Variants in CDH12 observed in about 807,000 individuals in gnomAD.
CDH12 encodes cadherin 12, also known as cadherin-12.
CDH12 carries 41 observed loss-of-function variants against 74.1 expected under a neutral mutation model. The ratio of observed to expected loss-of-function variants is 0.55; its 90% CI spans 0.43 to 0.72. The LOEUF (loss-of-function observed/expected upper bound fraction) is 0.72. Among genes scored for constraint, CDH12 ranks in the 30% least tolerant of loss-of-function variants. The pLI, the probability that CDH12 is intolerant of heterozygous loss-of-function variation, is 0.00. For synonymous variants in CDH12, 399 were observed against 355.0 expected, an observed-to-expected ratio of 1.12 and a Z score of -1.39; for missense variants, 945 against 977.2, an observed-to-expected ratio of 0.97 and a Z score of 0.44.
At chr5:21,839,276 G>A (rs1402769941) in intron 8 of CDH12, among the ~76,000 whole-genome samples, 1 of 152,018 alleles carries the variant, frequency 6.6e-6, no homozygotes, top group Non-Finnish European at 1.5e-5. Context: ...ATAAGGAAAA[G>A]TATTGCTTTA....
intron 11 of CDH12, among the ~76,000 whole-genome samples, chr5:21,781,697 C>G (rs1745923348): frequency 1.3e-5 from 2 of 149,334 alleles, no homozygotes; most frequent in Non-Finnish European, 3.0e-5. Flanking sequence ...GCACTCCAGT[C>G]TAGGTGACAG....
At chr5:22,447,152 G>A (rs1400179479) in intron 2 of CDH12, among the ~76,000 whole-genome samples, 1 of 152,004 alleles carries the variant, frequency 6.6e-6, no homozygotes, top group African/African-American at 2.4e-5. Flanking sequence ...TTGTATAAGG[G>A]CTATAATTCC....
chr5:22,137,699 G>T (rs1746541900), intron 4 of CDH12, among the ~76,000 whole-genome samples: 1 of 151,982 alleles, frequency 6.6e-6, no homozygotes, highest in African/African-American at 2.4e-5. Flanking sequence ...GCCTATTCTT[G>T]TAACATTAAC....
intron 1 of CDH12, among the ~76,000 whole-genome samples, chr5:22,543,103 AC>A (rs1377993961): frequency 3.3e-5 from 5 of 152,166 alleles, no homozygotes; most frequent in Non-Finnish European, 5.9e-5. Context: ...TTACTGCAAG[AC>A]TTAAAGCAAA....
At chr5:22,443,495 T>G (rs1488471796) in intron 2 of CDH12, among the ~76,000 whole-genome samples, 1 of 152,132 alleles carries the variant, frequency 6.6e-6, no homozygotes, top group Non-Finnish European at 1.5e-5. Flanking sequence ...ATATTGGCAA[T>G]GTAAGATTTT....
chr5:22,166,991 C>G (rs982008441), intron 4 of CDH12, among the ~76,000 whole-genome samples: 2 of 152,056 alleles, frequency 1.3e-5, no homozygotes, highest in Non-Finnish European at 2.9e-5. Context: ...TCTTCAATTC[C>G]TATGTTTTAT....
chr5:22,333,929 C>G (rs1439903499), intron 3 of CDH12, among the ~76,000 whole-genome samples: 4 of 152,110 alleles, frequency 2.6e-5, no homozygotes, highest in Admixed American at 2.6e-4. Context: ...AGTTCAACAT[C>G]CTGTAATGAC....
intron 2 of CDH12, among the ~76,000 whole-genome samples, chr5:22,449,895 T>C (rs1490014869): frequency 6.6e-6 from 1 of 152,118 alleles, no homozygotes; most frequent in African/African-American, 2.4e-5. Flanking sequence ...ATATGGACAA[T>C]GTTGCAGTAT....
intron 6 of CDH12, among the ~76,000 whole-genome samples, chr5:21,895,678 C>T (rs867469419): frequency 6.6e-6 from 1 of 152,192 alleles, no homozygotes; most frequent in South Asian, 2.1e-4. Flanking sequence ...CCCAGAGGAG[C>T]CACTGCCCCC....
chr5:22,676,637 A>T (rs140904247), intron 1 of CDH12, among the ~76,000 whole-genome samples: 31 of 152,354 alleles, frequency 2.0e-4, no homozygotes, highest in Middle Eastern at 3.4e-3. Flanking sequence ...AGTACTAAAA[A>T]TATAGAGAAG....
At chr5:22,180,567 C>T (rs748960123) in intron 4 of CDH12, among the ~76,000 whole-genome samples, 57 of 151,712 alleles carry the variant, frequency 3.8e-4, no homozygotes, top group Non-Finnish European at 6.2e-4. Flanking sequence ...AGCTGGAGTG[C>T]AGTGGGGCGA....
intron 1 of CDH12, among the ~76,000 whole-genome samples, chr5:22,698,462 T>A (rs1382890405): frequency 6.6e-6 from 1 of 151,372 alleles, no homozygotes; most frequent in Admixed American, 6.6e-5. Context: ...TCTACTGATT[T>A]ATAGAATCCC....
intron 10 of CDH12, among the ~76,000 whole-genome samples, chr5:21,794,059 G>A (rs1306764924): frequency 6.6e-6 from 1 of 151,414 alleles, no homozygotes; most frequent in Non-Finnish European, 1.5e-5. Context: ...ATAAAATATA[G>A]CATGTATATG....
intron 11 of CDH12, among the ~76,000 whole-genome samples, chr5:21,773,685 A>G (rs1356978887): frequency 2.0e-5 from 3 of 152,102 alleles, no homozygotes; most frequent in Non-Finnish European, 4.4e-5. Flanking sequence ...CTGTGAATCA[A>G]TTATCTTAAT....
intron 4 of CDH12, among the ~76,000 whole-genome samples, chr5:22,150,640 GAGATTGCTCCTAGATCTGGGGTGGCCAAA>G (rs1747512009): frequency 2.0e-5 from 3 of 152,090 alleles, no homozygotes; most frequent in Admixed American, 2.0e-4. Context: ...CAGAAAAACT[GAGATTGCTCCTAGATCTGGGGTGGCCAAA>G]AGAAATGGAA....
At chr5:22,524,453 C>G (rs1309662354) in intron 1 of CDH12, among the ~76,000 whole-genome samples, 2 of 152,162 alleles carry the variant, frequency 1.3e-5, no homozygotes, top group Non-Finnish European at 2.9e-5. Flanking sequence ...GTCTCATTGT[C>G]TAATATACCC....
intron 1 of CDH12, among the ~76,000 whole-genome samples, chr5:22,735,082 A>T (rs536495144): frequency 6.6e-6 from 1 of 152,034 alleles, no homozygotes; most frequent in African/African-American, 2.4e-5. Context: ...TCTGCAATTT[A>T]TAAGTTGTGT....
At chr5:22,379,145 C>T (rs1261317395) in intron 3 of CDH12, among the ~76,000 whole-genome samples, 1 of 152,008 alleles carries the variant, frequency 6.6e-6, no homozygotes, top group East Asian at 1.9e-4. Context: ...TTAATACAGT[C>T]CTGGGAAAAT....
Position 22,059,708 on chromosome 5 carries a change from T to G in CDH12, c.231+18738A>C, listed in dbSNP as rs568845690. On this transcript the variant is annotated intron_variant, in intron 5 of 14. Coordinates refer to ENST00000382254, the MANE Select transcript of CDH12 (RefSeq NM_004061.5). ...AAATATCATAAATTCATGTGAATATTTCCAAACCGCCTCATGTTATTTCAA... is the reference window on the plus strand; with the variant it reads ...AAATATCATAAATTCATGTGAATATGTCCAAACCGCCTCATGTTATTTCAA... Among the ~76,000 whole-genome samples, 327 of 152,290 alleles carry G rather than the reference T, an allele frequency of 2.1e-3. 1 individual carries two copies. Among genetic ancestry groups the G allele is most frequent in the Non-Finnish European group, 3.8e-3 (258 of 68,012 alleles).
Sources: allele counts gnomAD v4.1 joint callset (sites outside exome capture counted in the v4.1 genomes callset), GRCh38; gene constraint gnomAD v4.1.1; transcripts MANE v1.5; gene names NCBI Gene and HGNC (gene_info 2026-07-23, HGNC 2026-07-21).